BCL9: variants seen among roughly 807,000 people sequenced by gnomAD.
The protein encoded by BCL9 is BCL9 transcription coactivator.
Under a neutral mutation model 88.5 loss-of-function variants are expected in BCL9, and 25 were observed. The ratio of observed to expected loss-of-function variants is 0.28; its 90% CI spans 0.21 to 0.39. The LOEUF (loss-of-function observed/expected upper bound fraction) is 0.39. Ranked by LOEUF, BCL9 falls within the 10% of genes least tolerant of loss-of-function variation. BCL9 has a pLI of 1.00. For synonymous variants in BCL9, 711 were observed against 673.3 expected (o/e 1.06, Z -0.87); for missense variants, 1,817 against 1,877.8 (o/e 0.97, Z 0.60).
In BCL9 at chr1:147,620,636, C is replaced by T; in HGVS notation, c.2481C>T (p.Asn827=). ...CACTACCTCTCAACCCTTCCAGTAA[C>T]CCCACCAGCCTCAACACAGCTCCTC... is the stretch of plus-strand genomic sequence containing the variant. ...MPPLPLNPSS[N]PTSLNTAPPV... The change falls in exon 8 of 10, where the codon AAC becomes AAT. Residue 827 remains asparagine (N), a synonymous_variant. Transcript: ENST00000234739. The T allele has an allele frequency of 6.2e-7, 1 of 1,614,160 alleles. No homozygotes were observed. Among genetic ancestry groups the T allele is most frequent in the South Asian group, 1.1e-5 (1 of 91,076 alleles).
chr1:147,625,102 A>C lies in BCL9; in HGVS notation c.*143A>C, dbSNP rs587657062. 8.1e-4 allele frequency: 775 copies of C among 951,198 alleles called. 2 individuals are homozygous for C. Among genetic ancestry groups the C allele is most frequent in the Non-Finnish European group, 1.1e-3 (726 of 676,860 alleles). The allele number at this position is 951,198 out of a possible 1,614,324, so 58.9% of individuals were successfully genotyped here. A position where few individuals can be genotyped will look rare whatever the true frequency, so the allele number is the denominator to read the frequency against. ...GAGGGCTGCTTTGGGGGAGGGGGGA[A>C]CTCGAGAATGTATGGATTTACCTGA... On this transcript the variant is annotated 3_prime_UTR_variant, in exon 10 of 10. Transcript: ENST00000234739.
intron 1 of BCL9, among the ~76,000 whole-genome samples, chr1:147,580,607 T>C (rs1553198530): frequency 1.3e-5 from 2 of 152,320 alleles, no homozygotes; most frequent in Non-Finnish European, 2.9e-5. Context: ...TCTAAATCCA[T>C]TGTCCCAAAC....
At position 147,544,836 on chromosome 1, in the gene BCL9, TTCTCTCTCTCTCTCTCTTCC is replaced by T. The variant is rs1654483478; in HGVS notation, c.-478+3165_-478+3184del. Among the ~76,000 whole-genome samples, 4 of 151,054 alleles carry T rather than the reference TTCTCTCTCTCTCTCTCTTCC, an allele frequency of 2.6e-5. No individual in the cohort carries two copies. In the Middle Eastern group the frequency reaches 0.01, roughly 388 times the overall value. On this transcript the variant is annotated intron_variant, in intron 1 of 9. Transcript: ENST00000234739. The stretch of plus-strand genomic sequence containing the variant: ...AGTGATATCAAAGATAGAATGTTTT[TTCTCTCTCTCTCTCTCTTCC>T]TCCTATTTGTGGCCTTTCTTGGAAA...
chr1:147,599,403 T>C (rs1338251274), intron 1 of BCL9, among the ~76,000 whole-genome samples: 1 of 150,812 alleles, frequency 6.6e-6, no homozygotes, highest in Non-Finnish European at 1.5e-5. Context: ...CAGGGAAGAG[T>C]GAGGGAAAGA....
chr1:147,595,264 G>A (rs645687), intron 1 of BCL9, among the ~76,000 whole-genome samples: 8,915 of 152,282 alleles, frequency 0.059, 285 homozygotes, highest in Middle Eastern at 0.092. Flanking sequence ...AGAAATTTCC[G>A]TGGCCAGAAT....
intron 1 of BCL9, among the ~76,000 whole-genome samples, chr1:147,596,604 G>A (rs140774300): frequency 0.021 from 3,158 of 151,574 alleles, 99 homozygotes; most frequent in East Asian, 0.16. Context: ...TAGTAGAGAC[G>A]GGGTTTCACC....
chr1:147,594,795 T>C (rs1553200305), intron 1 of BCL9, among the ~76,000 whole-genome samples: 3 of 152,236 alleles, frequency 2.0e-5, no homozygotes, highest in African/African-American at 7.2e-5. Context: ...TTGGCCATAT[T>C]GGACAGAGCA....
In BCL9 at chr1:147,625,974, C is replaced by G. The variant is rs996748331; in HGVS notation, c.*1015C>G. 5.2e-5 allele frequency: 12 copies of G among 231,970 alleles called. No individual in the cohort carries two copies. The highest frequency in any genetic ancestry group is 7.7e-5 in the Non-Finnish European group (9 of 117,062). 14.4% of individuals were successfully genotyped at this position (231,970 alleles called of 1,614,324 possible). A position where few individuals can be genotyped will look rare whatever the true frequency, so the allele number is the denominator to read the frequency against. On this transcript the variant is annotated 3_prime_UTR_variant, in exon 10 of 10. Transcript: ENST00000234739. ...TCTTTCCCATCATACCCTTCCCTGC[C>G]CACCTTGTTTTCTGTTCTCCTTTTA...
chr1:147,556,117 C>T (rs1419339276), intron 1 of BCL9, among the ~76,000 whole-genome samples: 1 of 151,928 alleles, frequency 6.6e-6, no homozygotes, highest in Non-Finnish European at 1.5e-5. Flanking sequence ...TATTTATTTA[C>T]TTATTTACTT....
intron 7 of BCL9, among the ~76,000 whole-genome samples, chr1:147,618,143 T>G (rs1658384393): frequency 1.3e-5 from 2 of 152,136 alleles, no homozygotes; most frequent in Non-Finnish European, 2.9e-5. Context: ...GCCTGCAGAT[T>G]ATCTCACTAC....
intron 1 of BCL9, among the ~76,000 whole-genome samples, chr1:147,599,912 C>T (rs1553200978): frequency 6.7e-6 from 1 of 150,276 alleles, no homozygotes; most frequent in Admixed American, 6.6e-5. Context: ...TGAAGGGGCA[C>T]GAGCGACTTT....
intron 1 of BCL9, among the ~76,000 whole-genome samples, chr1:147,543,376 T>C (rs1212824061): frequency 2.0e-5 from 3 of 152,210 alleles, no homozygotes; most frequent in Non-Finnish European, 4.4e-5. Flanking sequence ...CTCCCTGTGA[T>C]AGCTGGAGAT....
intron 1 of BCL9, among the ~76,000 whole-genome samples, chr1:147,600,498 C>G (rs1657329780): frequency 8.6e-6 from 1 of 116,732 alleles, no homozygotes; most frequent in African/African-American, 3.4e-5. Context: ...GCCAGGGTTG[C>G]GGATTTAGTG....
At chr1:147,613,344 G>C (rs1658108767) in intron 5 of BCL9, 145 bp downstream of exon 5, 2 of 813,046 alleles carry the variant, frequency 2.5e-6, no homozygotes, top group Admixed American at 2.8e-5. Context: ...AGTTTATGAT[G>C]GAACTATTTC....
At chr1:147,581,143 C>T (rs1656351187) in intron 1 of BCL9, among the ~76,000 whole-genome samples, 1 of 152,150 alleles carries the variant, frequency 6.6e-6, no homozygotes, top group Non-Finnish European at 1.5e-5. Flanking sequence ...TCTCTAAAGT[C>T]TTATCTGGTA....
chr1:147,603,374 CTG>C, intron 1 of BCL9, among the ~76,000 whole-genome samples: 1 of 152,222 alleles, frequency 6.6e-6, no homozygotes, highest in Non-Finnish European at 1.5e-5. Flanking sequence ...CCCCAAATGT[CTG>C]AGGCCTTGGA....
At chr1:147,603,788 C>A (rs1244786187) in intron 1 of BCL9, among the ~76,000 whole-genome samples, 3 of 152,092 alleles carry the variant, frequency 2.0e-5, no homozygotes, top group Non-Finnish European at 4.4e-5. Context: ...GGATTGCAGG[C>A]TTGAGCCACC....
chr1:147,610,442 A>G (rs879980625), intron 3 of BCL9, among the ~76,000 whole-genome samples: 39 of 152,322 alleles, frequency 2.6e-4, no homozygotes, highest in Middle Eastern at 3.4e-3. Context: ...GACCTTTAAC[A>G]TGTGACAGTG....
intron 1 of BCL9, among the ~76,000 whole-genome samples, chr1:147,564,660 G>T (rs971258586): frequency 4.6e-5 from 7 of 152,172 alleles, no homozygotes; most frequent in African/African-American, 1.7e-4. Context: ...AATTACAACT[G>T]TAAGGTACTA....
Sources: allele counts gnomAD v4.1 joint callset (sites outside exome capture counted in the v4.1 genomes callset), GRCh38; gene constraint gnomAD v4.1.1; transcripts MANE v1.5; gene names NCBI Gene and HGNC (gene_info 2026-07-23, HGNC 2026-07-21).